The following XPO4 variants were observed in gnomAD, a reference collection of about 807,000 sequenced individuals.
XPO4 encodes the protein exportin-4.
A neutral mutation model predicts 143.0 loss-of-function variants in XPO4; 39 were observed. The ratio of observed to expected loss-of-function variants is 0.27; its 90% CI spans 0.21 to 0.36. XPO4 has a LOEUF of 0.36. XPO4 is among the 10% of genes least tolerant of loss of function. The pLI is 1.00. For missense variants in XPO4, 907 were observed against 1,348.0 expected (o/e 0.67, Z 5.12); for synonymous variants, 439 against 474.0 (o/e 0.93, Z 0.96).
chr13:20,834,796 C>A (rs1431552333), intron 6 of XPO4, among the ~76,000 whole-genome samples: 3 of 151,762 alleles, frequency 2.0e-5, no homozygotes, highest in Non-Finnish European at 4.4e-5. Context: ...TCCTGCCCTA[C>A]AAAAAAATTT....
intron 13 of XPO4, among the ~76,000 whole-genome samples, chr13:20,805,312 C>G (rs2059489419): frequency 6.6e-6 from 1 of 152,120 alleles, no homozygotes; most frequent in South Asian, 2.1e-4. Context: ...TGCTCAAAAC[C>G]CTACAATGGC....
At chr13:20,892,100 C>T (rs2138182127) in intron 1 of XPO4, among the ~76,000 whole-genome samples, 1 of 151,056 alleles carries the variant, frequency 6.6e-6, no homozygotes, top group South Asian at 2.1e-4. Context: ...GATCTCGGCT[C>T]ACTCCAAGTG....
intron 1 of XPO4, among the ~76,000 whole-genome samples, chr13:20,893,604 A>C (rs1402487545): frequency 6.6e-6 from 1 of 151,898 alleles, no homozygotes; most frequent in Non-Finnish European, 1.5e-5. Flanking sequence ...AAAAATACAA[A>C]AATTAGCCGG....
intron 1 of XPO4, chr13:20,879,264 T>TA: frequency 1.0e-6 from 1 of 985,206 alleles, no homozygotes; most frequent in Non-Finnish European, 1.2e-6. Context: ...GTAAACTATT[T>TA]AAAAAACAAA....
chr13:20,815,195 AG>A (rs373478343), intron 9 of XPO4, among the ~76,000 whole-genome samples: 23 of 152,292 alleles, frequency 1.5e-4, no homozygotes, highest in African/African-American at 4.3e-4. Context: ...CAGAACACAG[AG>A]GATTTTCAGC....
intron 9 of XPO4, among the ~76,000 whole-genome samples, chr13:20,814,915 T>C (rs1050787244): frequency 3.3e-5 from 5 of 152,236 alleles, no homozygotes; most frequent in Non-Finnish European, 7.3e-5. Context: ...GAAAAAAATC[T>C]TTTACGTTTT....
chr13:20,826,523 C>T (rs535850328), intron 7 of XPO4, among the ~76,000 whole-genome samples: 77 of 152,258 alleles, frequency 5.1e-4, no homozygotes, highest in African/African-American at 1.8e-3. Context: ...CGAGGCCACA[C>T]GATGTGCGAT....
chr13:20,854,661 A>G (rs754384934), intron 4 of XPO4, among the ~76,000 whole-genome samples: 2 of 152,196 alleles, frequency 1.3e-5, no homozygotes, highest in East Asian at 1.9e-4. Context: ...TCAGGTGATA[A>G]AAGTTGATAG....
intron 7 of XPO4, among the ~76,000 whole-genome samples, chr13:20,825,040 T>C (rs1193957762): frequency 1.3e-5 from 2 of 152,038 alleles, no homozygotes; most frequent in Non-Finnish European, 2.9e-5. Flanking sequence ...GTCAGCAAAG[T>C]TGAGAACTAA....
intron 3 of XPO4, among the ~76,000 whole-genome samples, chr13:20,859,394 A>G (rs1468224131): frequency 6.6e-6 from 1 of 152,146 alleles, no homozygotes; most frequent in Non-Finnish European, 1.5e-5. Context: ...AGGTCAGGAA[A>G]TGGAGACCAT....
rs535485597 is a variant in XPO4, at chr13:20,856,654, G to A, written c.318-889C>T. On this transcript the variant is annotated intron_variant, in intron 3 of 22. Transcript: ENST00000255305. Reference sequence around the variant, plus strand: ...CTGTTGCCCCAAATAATTATTAGTCGTTCTTTATTTCACTCTCAAAAGTGT... The same window carrying A: ...CTGTTGCCCCAAATAATTATTAGTCATTCTTTATTTCACTCTCAAAAGTGT... Among the ~76,000 whole-genome samples, 138 of 152,108 alleles carry A rather than the reference G, an allele frequency of 9.1e-4. 1 individual carries two copies. The highest frequency in any genetic ancestry group is 1.4e-3 in the Non-Finnish European group (98 of 68,016).
At chr13:20,786,658 T>C (rs2059210380) in intron 22 of XPO4, among the ~76,000 whole-genome samples, 1 of 152,138 alleles carries the variant, frequency 6.6e-6, no homozygotes, top group Non-Finnish European at 1.5e-5. Context: ...ACACACCCAT[T>C]ATGTATTCCT....
chr13:20,828,017 CACCT>C (rs2059805711), intron 6 of XPO4, among the ~76,000 whole-genome samples: 1 of 152,196 alleles, frequency 6.6e-6, no homozygotes, highest in African/African-American at 2.4e-5. Flanking sequence ...GCAGGCGGAT[CACCT>C]GAGGTCAGGA....
At chr13:20,787,381 G>C in intron 21 of XPO4, 100 bp downstream of exon 21, 1 of 1,168,434 alleles carries the variant, frequency 8.6e-7, no homozygotes, top group Non-Finnish European at 1.3e-6. Flanking sequence ...CCTTGCCCCC[G>C]AAAGAATGGA....
intron 1 of XPO4, among the ~76,000 whole-genome samples, chr13:20,870,104 A>AAAAAAAAAAAGAATTG (rs1352783292): frequency 6.7e-6 from 1 of 149,580 alleles, no homozygotes; most frequent in African/African-American, 2.5e-5. Flanking sequence ...AAAAAAAAAA[A>AAAAAAAAAAAGAATTG]AAAGAATTGT....
intron 6 of XPO4, among the ~76,000 whole-genome samples, chr13:20,831,177 AG>A (rs1318853942): frequency 6.6e-6 from 1 of 152,172 alleles, no homozygotes; most frequent in Non-Finnish European, 1.5e-5. Context: ...AAAAACAAAC[AG>A]AACCAGTACC....
intron 1 of XPO4, 92 bp from the exon 2 acceptor site, chr13:20,868,793 T>G (rs2060266127): frequency 2.4e-6 from 3 of 1,232,216 alleles, no homozygotes; most frequent in Admixed American, 2.2e-5. Flanking sequence ...GAAAATGCCT[T>G]CACTTTTGGG....
chr13:20,834,796 C>CA (rs1349312688), intron 6 of XPO4, among the ~76,000 whole-genome samples: 1 of 151,762 alleles, frequency 6.6e-6, no homozygotes, highest in Non-Finnish European at 1.5e-5. Flanking sequence ...TCCTGCCCTA[C>CA]AAAAAAATTT....
chr13:20,886,774 T>C (rs1453819328), intron 1 of XPO4, among the ~76,000 whole-genome samples: 1 of 151,524 alleles, frequency 6.6e-6, no homozygotes, highest in Non-Finnish European at 1.5e-5. Context: ...AAAAAGACAT[T>C]AAAAGGATAG....
Sources: gnomAD v4.1 joint callset for allele counts (sites outside exome capture counted in the v4.1 genomes callset) on GRCh38, gnomAD v4.1.1 for gene constraint, MANE v1.5 for transcripts, NCBI Gene and HGNC (gene_info 2026-07-23, HGNC 2026-07-21) for gene names.